RBFOX1: variants seen among roughly 807,000 people sequenced by gnomAD.
RBFOX1 encodes the protein RNA binding fox-1 homolog 1.
A neutral mutation model predicts 57.7 loss-of-function variants in RBFOX1; 8 were observed. The ratio of observed to expected loss-of-function variants is 0.14; its 90% CI spans 0.08 to 0.25. RBFOX1 has a LOEUF of 0.25. Among genes scored for constraint, RBFOX1 ranks in the 10% least tolerant of loss-of-function variants. The pLI is 1.00. For synonymous variants in RBFOX1, 326 were observed against 222.4 expected, an observed-to-expected ratio of 1.47 and a Z score of -4.15; for missense variants, 611 against 548.5, an observed-to-expected ratio of 1.11 and a Z score of -1.14.
At chr16:6,111,645 C>A (rs952319993) in intron 1 of RBFOX1, among the ~76,000 whole-genome samples, 2 of 152,122 alleles carry the variant, frequency 1.3e-5, no homozygotes, top group East Asian at 1.9e-4. Context: ...TTGGCGGTAA[C>A]AGGATAGGAG....
chr16:7,259,932 T>C (rs2094850867), intron 4 of RBFOX1, among the ~76,000 whole-genome samples: 1 of 152,200 alleles, frequency 6.6e-6, no homozygotes, highest in Non-Finnish European at 1.5e-5. Flanking sequence ...TGCCAATTTA[T>C]ACTGTCATTA....
chr16:5,339,395 T>TA (rs2064978422), intron 1 of RBFOX1, among the ~76,000 whole-genome samples: 1 of 150,708 alleles, frequency 6.6e-6, no homozygotes, highest in South Asian at 2.1e-4. Flanking sequence ...GCAATGGTCC[T>TA]TATGAGACCA....
intron 14 of RBFOX1, among the ~76,000 whole-genome samples, chr16:7,684,666 C>G (rs1188919073): frequency 6.6e-6 from 1 of 151,536 alleles, no homozygotes; most frequent in Non-Finnish European, 1.5e-5. Flanking sequence ...AACATCCTCT[C>G]AATTCTTGCC....
At chr16:7,045,853 T>C (rs1035665035) in intron 3 of RBFOX1, among the ~76,000 whole-genome samples, 2 of 152,172 alleles carry the variant, frequency 1.3e-5, no homozygotes, top group Non-Finnish European at 2.9e-5. Context: ...AGACAGAGTT[T>C]TACCATGTTG....
chr16:6,422,513 A>G (rs1241772755), intron 2 of RBFOX1, among the ~76,000 whole-genome samples: 1 of 152,112 alleles, frequency 6.6e-6, no homozygotes, highest in Non-Finnish European at 1.5e-5. Context: ...GAGACTGGGT[A>G]ATTTTTAAAG....
intron 4 of RBFOX1, among the ~76,000 whole-genome samples, chr16:6,010,483 A>G (rs1472832506): frequency 6.6e-6 from 1 of 151,898 alleles, no homozygotes; most frequent in African/African-American, 2.4e-5. Flanking sequence ...TCTCTTCTCC[A>G]TTTACTTCCC....
At chr16:6,676,578 T>C (rs972380295) in intron 3 of RBFOX1, among the ~76,000 whole-genome samples, 6 of 152,118 alleles carry the variant, frequency 3.9e-5, no homozygotes, top group Non-Finnish European at 8.8e-5. Context: ...AGCTATTTCG[T>C]ATTGATAGGA....
At chr16:6,684,943 G>C (rs1483367889) in intron 3 of RBFOX1, among the ~76,000 whole-genome samples, 1 of 152,084 alleles carries the variant, frequency 6.6e-6, no homozygotes, top group Non-Finnish European at 1.5e-5. Context: ...TTTACTTAGG[G>C]TGATCTTCAA....
At chr16:7,521,022 A>T (rs780809792) in intron 5 of RBFOX1, among the ~76,000 whole-genome samples, 1 of 152,218 alleles carries the variant, frequency 6.6e-6, no homozygotes, top group Non-Finnish European at 1.5e-5. Context: ...GGCAAATAGC[A>T]TGTGTGATAG....
intron 3 of RBFOX1, among the ~76,000 whole-genome samples, chr16:6,932,055 C>G (rs1241560426): frequency 6.6e-6 from 1 of 152,140 alleles, no homozygotes; most frequent in Non-Finnish European, 1.5e-5. Flanking sequence ...TTCTTGAGGG[C>G]AGAGCCTTCA....
chr16:6,972,330 G>A (rs765759629), intron 3 of RBFOX1, among the ~76,000 whole-genome samples: 4 of 151,882 alleles, frequency 2.6e-5, no homozygotes, highest in East Asian at 3.9e-4. Context: ...ACCTTGTATC[G>A]GTGGAATTAT....
intron 2 of RBFOX1, among the ~76,000 whole-genome samples, chr16:5,571,167 A>C (rs2151132500): frequency 6.7e-6 from 1 of 150,228 alleles, no homozygotes; most frequent in Admixed American, 6.6e-5. Context: ...GAAACCTTGT[A>C]ACTCTCTTAC....
chr16:6,482,173 A>G (rs1409132996), intron 2 of RBFOX1, among the ~76,000 whole-genome samples: 2 of 152,256 alleles, frequency 1.3e-5, no homozygotes, highest in East Asian at 1.9e-4. Context: ...ACAGGCAGGA[A>G]GCCAATGAAT....
chr16:7,463,741 A>G (rs1416961668), intron 4 of RBFOX1, among the ~76,000 whole-genome samples: 1 of 152,186 alleles, frequency 6.6e-6, no homozygotes, highest in African/African-American at 2.4e-5. Context: ...CGTTCTGCCT[A>G]CTACAATGAT....
At chr16:6,747,864 T>C (rs909782342) in intron 3 of RBFOX1, among the ~76,000 whole-genome samples, 12 of 152,152 alleles carry the variant, frequency 7.9e-5, no homozygotes, top group African/African-American at 2.9e-4. Flanking sequence ...AAAACTTTCA[T>C]AGGCAATCCA....
At chr16:7,361,516 A>C (rs2097320039) in intron 4 of RBFOX1, among the ~76,000 whole-genome samples, 1 of 152,200 alleles carries the variant, frequency 6.6e-6, no homozygotes, top group African/African-American at 2.4e-5. Flanking sequence ...GAGTAAATCC[A>C]GGTTAGACCA....
chr16:7,621,787 G>C (rs2059355588), intron 10 of RBFOX1, among the ~76,000 whole-genome samples: 1 of 152,146 alleles, frequency 6.6e-6, no homozygotes, highest in Non-Finnish European at 1.5e-5. Context: ...AAGCAGTAAA[G>C]GGATCTTAGA....
intron 4 of RBFOX1, among the ~76,000 whole-genome samples, chr16:7,109,845 G>C (rs551433103): frequency 6.6e-6 from 1 of 152,150 alleles, no homozygotes; most frequent in African/African-American, 2.4e-5. Context: ...GTGATGAGGT[G>C]AGGTGCTAGG....
intron 4 of RBFOX1, among the ~76,000 whole-genome samples, chr16:7,090,756 G>A (rs1266092339): frequency 1.3e-5 from 2 of 152,202 alleles, no homozygotes; most frequent in Admixed American, 1.3e-4. Flanking sequence ...GGCCACGGTA[G>A]GAGGGGGAAA....
Sources: gnomAD v4.1 joint callset for allele counts (sites outside exome capture counted in the v4.1 genomes callset) on GRCh38, gnomAD v4.1.1 for gene constraint, MANE v1.5 for transcripts, NCBI Gene and HGNC (gene_info 2026-07-23, HGNC 2026-07-21) for gene names.